ADAP1: variants seen among roughly 807,000 people sequenced by gnomAD.
ADAP1 encodes arf-GAP with dual PH domain-containing protein 1.
A neutral mutation model predicts 54.9 loss-of-function variants in ADAP1; 31 were observed. That is an observed-to-expected ratio of 0.56 (90% CI 0.42 to 0.76). ADAP1 has a LOEUF of 0.76. Among genes scored for constraint, ADAP1 ranks in the 30% least tolerant of loss-of-function variants. The pLI is 0.00. For synonymous variants in ADAP1, 313 were observed against 202.6 expected (o/e 1.55, Z -4.63); for missense variants, 535 against 512.4 (o/e 1.04, Z -0.42).
rs1847130837 is a variant in ADAP1, at chr7:946,097, C to T, written c.82+8299G>A. 6.6e-6 allele frequency among the ~76,000 whole-genome samples: 1 copy of T among 152,234 alleles called. No homozygotes were observed. The highest frequency in any genetic ancestry group is 2.1e-4 in the South Asian group (1 of 4,834). On this transcript the variant is annotated intron_variant, in intron 1 of 10. Transcript: ENST00000265846. This position sits in a 1 kb window ranked among gnomAD's most constrained non-coding sequence, Gnocchi z 4.3. ...GGGAGGGGCTCCGGTGCCCACCACCCTTCACAGCTACGTGAGGCGGGGCAT... is the reference window on the plus strand; with the variant it reads ...GGGAGGGGCTCCGGTGCCCACCACCTTTCACAGCTACGTGAGGCGGGGCAT...
intron 1 of ADAP1, among the ~76,000 whole-genome samples, chr7:950,685 T>G (rs1237116167): frequency 6.6e-6 from 1 of 150,768 alleles, no homozygotes; most frequent in Admixed American, 6.6e-5. Context: ...GGCGAAACCC[T>G]GTCTCTACCA....
At chr7:919,069 G>A (rs948060558) in intron 4 of ADAP1, among the ~76,000 whole-genome samples, 6 of 152,254 alleles carry the variant, frequency 3.9e-5, no homozygotes, top group Non-Finnish European at 7.4e-5. Flanking sequence ...GCCTCCCAGC[G>A]CCCACCTCCA....
At chr7:955,141 C>G, upstream of ADAP1, 2 of 651,942 alleles carry the variant, frequency 3.1e-6, no homozygotes, top group South Asian at 3.6e-5. Flanking sequence ...CACACAGGGC[C>G]CAGACGGAGC....
At chr7:929,921 A>G (rs1846512628) in intron 2 of ADAP1, among the ~76,000 whole-genome samples, 1 of 151,628 alleles carries the variant, frequency 6.6e-6, no homozygotes, top group Admixed American at 6.6e-5. Flanking sequence ...TGGGCAACAT[A>G]GTGAGACCCC....
chr7:904,403 G>A (rs150190004), intron 5 of ADAP1, 131 bp from the exon 6 acceptor site: 143 of 1,208,558 alleles, frequency 1.2e-4, no homozygotes, highest in East Asian at 1.1e-3. Context: ...TTACTTAAGC[G>A]CTCTGAGCCT....
upstream of ADAP1, chr7:955,292 C>A: frequency 6.5e-7 from 1 of 1,549,978 alleles, no homozygotes; most frequent in Non-Finnish European, 8.7e-7. Context: ...TTTGATGTCA[C>A]CTCTTCCCAG....
At position 926,806 on chromosome 7, in the gene ADAP1, C is replaced by T. The variant is rs1846406161; in HGVS notation, c.214-162G>A. Reference sequence around the variant, plus strand: ...ACGCCACCTCCTCCTGCCCCAGGGACACCATTTCTGAGTGATCGACCCTCC... The same window carrying T: ...ACGCCACCTCCTCCTGCCCCAGGGATACCATTTCTGAGTGATCGACCCTCC... On this transcript the variant is annotated intron_variant, in intron 2 of 10. Transcript: ENST00000265846. The surrounding 1 kb of genome is among the most constrained non-coding windows in gnomAD (Gnocchi z 4.6). The T allele has an allele frequency of 2.7e-6, 2 of 732,554 alleles. No homozygotes were observed. Among genetic ancestry groups the T allele is most frequent in the East Asian group, 3.1e-5 (1 of 32,532 alleles). 45.4% of individuals were successfully genotyped at this position (732,554 alleles called of 1,614,324 possible).
In ADAP1 at chr7:899,399, G is replaced by T. The variant is rs374818685; in HGVS notation, c.867+20C>A. 170 of 1,612,400 alleles carry T rather than the reference G, an allele frequency of 1.1e-4. No homozygotes were observed. The African/African-American group carries it at 1.9e-3, about 18-fold the overall frequency. On this transcript the variant is annotated intron_variant, in intron 9 of 10. Coordinates refer to ENST00000265846, the MANE Select transcript of ADAP1 (RefSeq NM_006869.4). ...GCCAGTGAGCTGCCCTCCCGTGCTG[G>T]GGCCACAGCTCCTCCTTACCAGGGG...
intron 7 of ADAP1, 84 bp from the exon 8 acceptor site, chr7:900,248 C>A: frequency 6.5e-7 from 1 of 1,541,644 alleles, no homozygotes; most frequent in South Asian, 1.1e-5. Context: ...CTGTGCTCCC[C>A]TCACCCCGGG....
At chr7:936,996 C>T (rs999824568) in intron 1 of ADAP1, among the ~76,000 whole-genome samples, 1 of 152,190 alleles carries the variant, frequency 6.6e-6, no homozygotes, top group Admixed American at 6.5e-5. Flanking sequence ...GGAGGAGAGG[C>T]ACCCAAGTGA....
At chr7:941,491 A>G (rs1210005870) in intron 1 of ADAP1, among the ~76,000 whole-genome samples, 2 of 152,224 alleles carry the variant, frequency 1.3e-5, no homozygotes, top group Non-Finnish European at 2.9e-5. Flanking sequence ...ACAAAAATCT[A>G]TTGTATTTCT....
At chr7:899,570 G>A (rs1844678893) in intron 8 of ADAP1, 80 bp from the exon 9 acceptor site, 11 of 1,505,336 alleles carry the variant, frequency 7.3e-6, no homozygotes, top group East Asian at 4.8e-5. Context: ...CACCCCGGAG[G>A]GCAGGGCCCA....
chr7:899,210 T>C lies in ADAP1; in HGVS notation c.919A>G (p.Thr307Ala). The part of the protein sequence containing the change: ...VFIGSKESGY[T>A]VLHGFPPSTQ... ...GACGGCGGGAACCCATGCAGCACCGTGTAGCCACTCTCCTTGCTGCCAATG... is the reference window on the plus strand; with the variant it reads ...GACGGCGGGAACCCATGCAGCACCGCGTAGCCACTCTCCTTGCTGCCAATG... The change falls in exon 10 of 11, where the codon ACG (threonine) becomes GCG (alanine). Residue 307 changes from threonine (T) to alanine (A), a missense_variant. By Grantham distance (58) the Thr-to-Ala change is moderately conservative. Transcript: ENST00000265846. 6.2e-7 allele frequency: 1 copy of C among 1,612,690 alleles called. No homozygotes were observed. Among genetic ancestry groups the C allele is most frequent in the Non-Finnish European group, 8.5e-7 (1 of 1,179,954 alleles).
intron 4 of ADAP1, 21 bp from the exon 5 acceptor site, chr7:905,193 G>A (rs201250654): frequency 3.7e-5 from 59 of 1,598,822 alleles, no homozygotes; most frequent in South Asian, 3.6e-4. Flanking sequence ...AAGGGGACAC[G>A]AGTCGGTGAC....
intron 1 of ADAP1, among the ~76,000 whole-genome samples, chr7:937,394 A>G (rs181296757): frequency 0.025 from 189 of 7,436 alleles, 5 homozygotes; most frequent in East Asian, 0.1. Flanking sequence ...GTCACGCCCG[A>G]CCTCTGGGAT....
At chr7:910,758 C>T (rs1008113430) in intron 4 of ADAP1, among the ~76,000 whole-genome samples, 1 of 152,224 alleles carries the variant, frequency 6.6e-6, no homozygotes, top group African/African-American at 2.4e-5. Context: ...CTCATGGGGC[C>T]TCTGGCCTTC....
chr7:920,123 G>A lies in ADAP1; in HGVS notation c.306-73C>T, dbSNP rs781293242. ...CCCAGCACACGCCGCTCTCTGGCCCGGACCCTGGACATCTCAAGAGGCTCA... is the reference window on the plus strand; with the variant it reads ...CCCAGCACACGCCGCTCTCTGGCCCAGACCCTGGACATCTCAAGAGGCTCA... On this transcript the variant is annotated intron_variant, in intron 3 of 10. Coordinates refer to ENST00000265846, the MANE Select transcript of ADAP1 (RefSeq NM_006869.4). This position sits in a 1 kb window ranked among gnomAD's most constrained non-coding sequence, Gnocchi z 4.5. The A allele has an allele frequency of 3.2e-5, 45 of 1,392,058 alleles. No individual in the cohort carries two copies. Among genetic ancestry groups the A allele is most frequent in the African/African-American group, 8.5e-5 (6 of 70,402 alleles). The allele number at this position is 1,392,058 out of a possible 1,614,324, so 86.2% of individuals were successfully genotyped here. A position where few individuals can be genotyped will look rare whatever the true frequency, so the allele number is the denominator to read the frequency against.
chr7:952,219 T>C (rs999828340), intron 1 of ADAP1, among the ~76,000 whole-genome samples: 2 of 152,074 alleles, frequency 1.3e-5, no homozygotes, highest in African/African-American at 2.4e-5. Flanking sequence ...GGAAGGAGCT[T>C]CTGTGGGGGC....
chr7:911,002 G>C (rs923078559), intron 4 of ADAP1, among the ~76,000 whole-genome samples: 4 of 152,252 alleles, frequency 2.6e-5, no homozygotes, highest in Non-Finnish European at 5.9e-5. Context: ...ACAGGGCTCC[G>C]TCTCTCCCTG....
Sources: gnomAD v4.1 joint callset for allele counts (sites outside exome capture counted in the v4.1 genomes callset) on GRCh38, gnomAD v4.1.1 for gene constraint, Gnocchi (gnomAD v3.1) non-coding constraint, MANE v1.5 for transcripts, NCBI Gene and HGNC (gene_info 2026-07-23, HGNC 2026-07-21) for gene names.